Variants in PTPRT observed in about 807,000 individuals in gnomAD.
PTPRT encodes the protein protein tyrosine phosphatase receptor type T, also known as receptor-type tyrosine-protein phosphatase T.
PTPRT carries 56 observed loss-of-function variants against 176.8 expected under a neutral mutation model. The ratio of observed to expected loss-of-function variants is 0.32; its 90% confidence interval spans 0.26 to 0.40. The LOEUF is 0.40. Ranked by LOEUF, PTPRT falls within the 10% of genes least tolerant of loss-of-function variation. The pLI is 1.00. For synonymous variants in PTPRT, 783 were observed against 739.0 expected (o/e 1.06, Z -0.96); for missense variants, 1,540 against 1,908.2 (o/e 0.81, Z 3.60).
intron 2 of PTPRT, among the ~76,000 whole-genome samples, chr20:42,856,893 G>C (rs1398149682): frequency 3.3e-5 from 5 of 152,116 alleles, no homozygotes; most frequent in Non-Finnish European, 5.9e-5. Context: ...AAAAAAGGGA[G>C]AGAAAATGGA....
At chr20:43,059,908 G>T (rs372397098) in intron 1 of PTPRT, among the ~76,000 whole-genome samples, 1 of 152,112 alleles carries the variant, frequency 6.6e-6, no homozygotes, top group Non-Finnish European at 1.5e-5. Flanking sequence ...GAACCCAGGA[G>T]GGGGAAGTTG....
chr20:42,957,177 G>A (rs980893443), intron 1 of PTPRT, among the ~76,000 whole-genome samples: 10 of 152,132 alleles, frequency 6.6e-5, no homozygotes, highest in Non-Finnish European at 1.0e-4. Context: ...GGGAAAAATC[G>A]AAACCTAGAA....
chr20:42,646,010 A>G (rs2074888305), intron 7 of PTPRT, among the ~76,000 whole-genome samples: 1 of 152,130 alleles, frequency 6.6e-6, no homozygotes, highest in Non-Finnish European at 1.5e-5. Flanking sequence ...TAGTGAACAC[A>G]CAAAAAGAAT....
At chr20:43,033,676 GATT>G (rs1429643211) in intron 1 of PTPRT, among the ~76,000 whole-genome samples, 1 of 152,190 alleles carries the variant, frequency 6.6e-6, no homozygotes, top group Non-Finnish European at 1.5e-5. Context: ...ACAAAAGAAA[GATT>G]AATAAGGTAA....
intron 1 of PTPRT, among the ~76,000 whole-genome samples, chr20:43,141,165 T>C (rs903699955): frequency 2.0e-5 from 3 of 152,228 alleles, no homozygotes; most frequent in Non-Finnish European, 4.4e-5. Context: ...AAATCACTGG[T>C]CATTAATTCA....
rs769529000 is a variant in PTPRT at position 42,297,101 on chromosome 20, T to A, written c.2140-14576A>T. Among the ~76,000 whole-genome samples, 5 of 152,110 alleles carry A rather than the reference T, an allele frequency of 3.3e-5. No homozygotes were observed. The South Asian group carries it at 6.2e-4, about 19-fold the overall frequency. Reference sequence around the variant, plus strand: ...AAAAATAATAAAGATATAGTAGTGATCCTGATATAAAACAAGAATTCAACT... The same window carrying A: ...AAAAATAATAAAGATATAGTAGTGAACCTGATATAAAACAAGAATTCAACT... On this transcript the variant is annotated intron_variant, in intron 12 of 30. Transcript: ENST00000373187.
chr20:43,069,835 T>C (rs2011157217), intron 1 of PTPRT, among the ~76,000 whole-genome samples: 1 of 152,154 alleles, frequency 6.6e-6, no homozygotes, highest in African/African-American at 2.4e-5. Flanking sequence ...GTTACTCCAG[T>C]TGAGAAGGCT....
At chr20:43,165,445 G>A (rs1047860069) in intron 1 of PTPRT, among the ~76,000 whole-genome samples, 3 of 152,194 alleles carry the variant, frequency 2.0e-5, no homozygotes, top group Admixed American at 1.3e-4. Context: ...TTACAGGCGT[G>A]AGCCACCACA....
chr20:42,820,434 T>A (rs2077871440), intron 2 of PTPRT, among the ~76,000 whole-genome samples: 1 of 152,046 alleles, frequency 6.6e-6, no homozygotes, highest in Non-Finnish European at 1.5e-5. Flanking sequence ...AAGAGGGAAA[T>A]TTATAGCACT....
chr20:43,188,106 G>A (rs1388490123), intron 1 of PTPRT, among the ~76,000 whole-genome samples: 1 of 152,118 alleles, frequency 6.6e-6, no homozygotes. Context: ...ATGCCTTAGA[G>A]GATATAAAAT....
At chr20:42,968,932 T>C (rs970664778) in intron 1 of PTPRT, 1 of 152,114 alleles carries the variant, frequency 6.6e-6, no homozygotes, top group Non-Finnish European at 1.5e-5. Flanking sequence ...GAGAAATGAG[T>C]GGTGTTGTGA....
chr20:42,149,063 C>T (rs1161717468), intron 17 of PTPRT, among the ~76,000 whole-genome samples: 1 of 152,214 alleles, frequency 6.6e-6, no homozygotes, highest in Non-Finnish European at 1.5e-5. Flanking sequence ...GGTATGCATT[C>T]ACTTCATTGC....
At chr20:42,110,224 C>T (rs565241150) in intron 23 of PTPRT, 109 bp downstream of exon 23, 27 of 1,044,932 alleles carry the variant, frequency 2.6e-5, no homozygotes, top group Non-Finnish European at 3.3e-5. Context: ...GTTTTTGTAT[C>T]TTTCTTTAGT....
chr20:42,667,332 C>T (rs1337003920), intron 7 of PTPRT, among the ~76,000 whole-genome samples: 1 of 152,156 alleles, frequency 6.6e-6, no homozygotes, highest in African/African-American at 2.4e-5. Flanking sequence ...TTATACCTCC[C>T]TCACAAGCTT....
intron 1 of PTPRT, among the ~76,000 whole-genome samples, chr20:43,029,463 T>C (rs1986047405): frequency 6.6e-6 from 1 of 152,220 alleles, no homozygotes; most frequent in Non-Finnish European, 1.5e-5. Context: ...ATGTATCACG[T>C]AGCACTTCAT....
At chr20:42,552,317 C>A (rs1568971769) in intron 7 of PTPRT, among the ~76,000 whole-genome samples, 2 of 152,072 alleles carry the variant, frequency 1.3e-5, no homozygotes. Context: ...AAGCACAGAG[C>A]AAAACATCCA....
At chr20:42,724,653 C>G (rs2146243420) in intron 6 of PTPRT, among the ~76,000 whole-genome samples, 1 of 152,270 alleles carries the variant, frequency 6.6e-6, no homozygotes, top group South Asian at 2.1e-4. Context: ...CTCTTCATGC[C>G]TAGACATGGT....
chr20:42,396,440 C>T (rs138555594), intron 9 of PTPRT, among the ~76,000 whole-genome samples: 2,838 of 152,268 alleles, frequency 0.019, 34 homozygotes, highest in Non-Finnish European at 0.029. Context: ...GTCAGCAGAG[C>T]AGACAACATG....
chr20:42,596,484 G>A (rs6030354), intron 7 of PTPRT, among the ~76,000 whole-genome samples: 34,891 of 152,022 alleles, frequency 0.23, 6,036 homozygotes, highest in African/African-American at 0.49. Flanking sequence ...ATGAGAAAAC[G>A]CTCATATCCC....
Sources: allele counts gnomAD v4.1 joint callset (sites outside exome capture counted in the v4.1 genomes callset), GRCh38; gene constraint gnomAD v4.1.1; transcripts MANE v1.5; gene names NCBI Gene and HGNC (gene_info 2026-07-23, HGNC 2026-07-21).